ARHGEF26: variants seen among roughly 807,000 people sequenced by gnomAD.
ARHGEF26 encodes Rho guanine nucleotide exchange factor (GEF) 26.
ARHGEF26 carries 59 observed loss-of-function variants against 89.4 expected under a neutral mutation model. That is an observed-to-expected ratio of 0.66 (90% CI 0.54 to 0.82). The LOEUF (loss-of-function observed/expected upper bound fraction) is 0.82. Ranked by LOEUF, ARHGEF26 falls within the 40% of genes least tolerant of loss-of-function variation. The pLI, the probability that ARHGEF26 is intolerant of heterozygous loss-of-function variation, is 0.00. For synonymous variants in ARHGEF26, 500 were observed against 428.4 expected (o/e 1.17, Z -2.06); for missense variants, 1,234 against 1,085.6 (o/e 1.14, Z -1.92).
Position 154,255,693 on chromosome 3 carries a change from C to A in ARHGEF26, c.*220C>A. On this transcript the variant is annotated 3_prime_UTR_variant, in exon 15 of 15. Coordinates refer to ENST00000465093, the MANE Select transcript of ARHGEF26 (RefSeq NM_015595.4). ...TTTTACCTAACCACACACTTGCAGA[C>A]CTCCTGAGGTACACAGAATAGCTGA... 1 of 1,364,434 alleles carries A rather than the reference C, an allele frequency of 7.3e-7. No individual in the cohort carries two copies. The highest frequency in any genetic ancestry group is 9.4e-7 in the Non-Finnish European group (1 of 1,064,546). The allele number at this position is 1,364,434 out of a possible 1,614,324, so 84.5% of individuals were successfully genotyped here.
chr3:154,254,954 T>C (rs1321128776), intron 14 of ARHGEF26, 130 bp downstream of exon 14: 1 of 766,280 alleles, frequency 1.3e-6, no homozygotes, highest in African/African-American at 1.7e-5. Flanking sequence ...ATCACATATA[T>C]GTACTGTCTT....
At chr3:154,149,935 A>AAC (rs1475162402) in intron 5 of ARHGEF26, among the ~76,000 whole-genome samples, 1 of 151,848 alleles carries the variant, frequency 6.6e-6, no homozygotes, top group Admixed American at 6.6e-5. Flanking sequence ...TAAAAAAAAA[A>AAC]AAAACAGGTT....
chr3:154,134,080 T>A (rs1718851218), intron 4 of ARHGEF26, among the ~76,000 whole-genome samples: 1 of 152,198 alleles, frequency 6.6e-6, no homozygotes, highest in South Asian at 2.1e-4. Flanking sequence ...TTTATCAGCT[T>A]AAGAAGCTTT....
chr3:154,189,009 C>G (rs980291644), intron 7 of ARHGEF26, among the ~76,000 whole-genome samples: 2 of 152,046 alleles, frequency 1.3e-5, no homozygotes, highest in African/African-American at 2.4e-5. Context: ...CAAAAATCTC[C>G]CCAGACATTG....
At chr3:154,133,258 G>A (rs926487305) in intron 4 of ARHGEF26, among the ~76,000 whole-genome samples, 4 of 152,108 alleles carry the variant, frequency 2.6e-5, no homozygotes, top group Non-Finnish European at 5.9e-5. Context: ...GTAAGGCAGT[G>A]TTCAGCTATA....
intron 4 of ARHGEF26, among the ~76,000 whole-genome samples, chr3:154,140,684 G>A (rs921316): frequency 1.3e-5 from 2 of 149,852 alleles, no homozygotes; most frequent in Non-Finnish European, 3.0e-5. Flanking sequence ...TCCCATAAGC[G>A]ATTCTTCTGC....
At position 154,196,690 on chromosome 3, in the gene ARHGEF26, C is replaced by T. The variant is rs532600399; in HGVS notation, c.1845+1972C>T. ...TTTGGGAACAGTAAGTAAAGAAAGC[C>T]TGACAAGTGAGAAGTTACCTAAGGT... On this transcript the variant is annotated intron_variant, in intron 9 of 14. Coordinates refer to ENST00000465093, the MANE Select transcript of ARHGEF26 (RefSeq NM_015595.4). 3.4e-4 allele frequency among the ~76,000 whole-genome samples: 52 copies of T among 152,146 alleles called. No homozygotes were observed. The South Asian group carries it at 0.011, about 32-fold the overall frequency.
At chr3:154,250,281 C>T (rs953917219) in intron 12 of ARHGEF26, among the ~76,000 whole-genome samples, 7 of 152,150 alleles carry the variant, frequency 4.6e-5, no homozygotes, top group African/African-American at 1.4e-4. Flanking sequence ...CCTGCCTCGG[C>T]CTCCAAAAGT....
chr3:154,169,394 GAC>G (rs1457304220), intron 6 of ARHGEF26, among the ~76,000 whole-genome samples: 2 of 151,936 alleles, frequency 1.3e-5, no homozygotes, highest in Non-Finnish European at 1.5e-5. Flanking sequence ...TGTGTTTCCT[GAC>G]ACGCGTGTTT....
chr3:154,149,126 A>G (rs1480871123), intron 4 of ARHGEF26, among the ~76,000 whole-genome samples: 1 of 152,200 alleles, frequency 6.6e-6, no homozygotes, highest in Non-Finnish European at 1.5e-5. Flanking sequence ...GAAATGGGGA[A>G]AAGAACAGTA....
chr3:154,147,387 A>G (rs996145944), intron 4 of ARHGEF26, among the ~76,000 whole-genome samples: 10 of 152,218 alleles, frequency 6.6e-5, no homozygotes, highest in African/African-American at 2.4e-4. Flanking sequence ...CTCCAGTCTG[A>G]GCGACAGAGT....
chr3:154,220,755 G>A (rs562922817), intron 10 of ARHGEF26, among the ~76,000 whole-genome samples: 1 of 151,952 alleles, frequency 6.6e-6, no homozygotes, highest in East Asian at 1.9e-4. Context: ...TCAGCAATGG[G>A]GAAAGGCTTT....
At chr3:154,131,132 A>G (rs1373177514) in intron 4 of ARHGEF26, among the ~76,000 whole-genome samples, 1 of 152,134 alleles carries the variant, frequency 6.6e-6, no homozygotes, top group Non-Finnish European at 1.5e-5. Flanking sequence ...TCACAGTGTC[A>G]GGGGAAGTAG....
intron 13 of ARHGEF26, among the ~76,000 whole-genome samples, chr3:154,254,280 T>G (rs1380820904): frequency 6.6e-6 from 1 of 152,184 alleles, no homozygotes; most frequent in Non-Finnish European, 1.5e-5. Flanking sequence ...TCATTTTATT[T>G]CTAAACTTTT....
intron 4 of ARHGEF26, among the ~76,000 whole-genome samples, chr3:154,137,697 C>T (rs1449542188): frequency 1.3e-5 from 2 of 151,746 alleles, no homozygotes; most frequent in Non-Finnish European, 1.5e-5. Context: ...ACATTTTGGA[C>T]CAGGTACAGT....
intron 9 of ARHGEF26, among the ~76,000 whole-genome samples, chr3:154,200,851 T>C (rs1714583437): frequency 1.3e-5 from 2 of 152,042 alleles, no homozygotes; most frequent in Non-Finnish European, 2.9e-5. Context: ...CATGTGGCTA[T>C]TGTAAATGAG....
intron 11 of ARHGEF26, among the ~76,000 whole-genome samples, chr3:154,228,365 G>C (rs907371858): frequency 1.3e-5 from 2 of 151,664 alleles, no homozygotes; most frequent in Non-Finnish European, 2.9e-5. Flanking sequence ...TAGAACTCCT[G>C]ACCTCAGGTG....
intron 9 of ARHGEF26, among the ~76,000 whole-genome samples, chr3:154,212,257 G>T (rs1313965802): frequency 6.6e-6 from 1 of 151,378 alleles, no homozygotes; most frequent in Non-Finnish European, 1.5e-5. Context: ...CTTGAGCCCA[G>T]GTTGTTGATC....
chr3:154,151,499 T>A (rs1403327618), intron 5 of ARHGEF26, among the ~76,000 whole-genome samples: 4 of 152,142 alleles, frequency 2.6e-5, no homozygotes, highest in African/African-American at 9.7e-5. Context: ...AGAAGGGAAA[T>A]TTTTCTTTAA....
Sources: allele counts gnomAD v4.1 joint callset (sites outside exome capture counted in the v4.1 genomes callset), GRCh38; gene constraint gnomAD v4.1.1; transcripts MANE v1.5; gene names NCBI Gene and HGNC (gene_info 2026-07-23, HGNC 2026-07-21).